The following FBXO28 variants were observed in gnomAD, a reference collection of about 807,000 sequenced individuals.
FBXO28 encodes the protein F-box protein 28.
FBXO28 carries 8 observed loss-of-function variants against 38.1 expected under a neutral mutation model. The ratio of observed to expected loss-of-function variants is 0.21; its 90% CI spans 0.12 to 0.38. The LOEUF (loss-of-function observed/expected upper bound fraction) is 0.38. Among genes scored for constraint, FBXO28 ranks in the 10% least tolerant of loss-of-function variants. The probability of loss-of-function intolerance (pLI) is 1.00; values close to 1 mark genes in which losing one functional copy is unlikely to be tolerated. For missense variants in FBXO28, 345 were observed against 460.6 expected, an observed-to-expected ratio of 0.75 and a Z score of 2.30; for synonymous variants, 168 against 173.8, an observed-to-expected ratio of 0.97 and a Z score of 0.26.
At position 224,158,966 on chromosome 1, in the gene FBXO28, C is replaced by G. The variant is rs1333114609; in HGVS notation, c.*1220C>G. Reference sequence around the variant, plus strand: ...ATTTTGTTTGCACTCCTATTTTGAGCTTGTAACTGGAAAAGCATGTCTTGC... The same window carrying G: ...ATTTTGTTTGCACTCCTATTTTGAGGTTGTAACTGGAAAAGCATGTCTTGC... On this transcript the variant is annotated 3_prime_UTR_variant, in exon 5 of 5. Coordinates refer to ENST00000366862, the MANE Select transcript of FBXO28 (RefSeq NM_015176.4). 6.6e-6 allele frequency: 1 copy of G among 152,572 alleles called. No homozygotes were observed. Among genetic ancestry groups the G allele is most frequent in the Non-Finnish European group, 1.5e-5 (1 of 68,032 alleles). The allele number at this position is 152,572 out of a possible 1,614,324, so 9.5% of individuals were successfully genotyped here.
intron 2 of FBXO28, among the ~76,000 whole-genome samples, chr1:224,133,461 T>C (rs1414064022): frequency 6.6e-6 from 1 of 152,178 alleles, no homozygotes; most frequent in Non-Finnish European, 1.5e-5. Flanking sequence ...AATCCATTCA[T>C]TTATCTAATT....
intron 1 of FBXO28, among the ~76,000 whole-genome samples, chr1:224,116,388 G>A (rs899091892): frequency 6.6e-6 from 1 of 152,102 alleles, no homozygotes; most frequent in African/African-American, 2.4e-5. Context: ...TAGGTGAGCT[G>A]TACATGCCTT....
chr1:224,146,541 T>C lies in FBXO28; in HGVS notation c.517-6601T>C, dbSNP rs567711585. Reference sequence around the variant, plus strand: ...ATTTTAGACATAAGCGTGGTACTTCTACTGTGTGTTAGAAATGTGATGGTG... The same window carrying C: ...ATTTTAGACATAAGCGTGGTACTTCCACTGTGTGTTAGAAATGTGATGGTG... On this transcript the variant is annotated intron_variant, in intron 3 of 4. Transcript: ENST00000366862. Among the ~76,000 whole-genome samples the C allele has an allele frequency of 1.4e-4, 21 of 152,278 alleles. No homozygotes were observed. The South Asian group carries it at 4.1e-3, about 30-fold the overall frequency.
At chr1:224,124,713 A>G (rs139193418) in intron 1 of FBXO28, among the ~76,000 whole-genome samples, 23 of 152,176 alleles carry the variant, frequency 1.5e-4, no homozygotes, top group Admixed American at 1.4e-3. Context: ...CAAAAGTTAT[A>G]TGGTCTCTTT....
At chr1:224,145,990 C>T (rs1308480006) in intron 3 of FBXO28, among the ~76,000 whole-genome samples, 4 of 149,802 alleles carry the variant, frequency 2.7e-5, no homozygotes, top group East Asian at 2.0e-4. Flanking sequence ...TGCTTGTATC[C>T]GGGAGGTGGA....
intron 1 of FBXO28, among the ~76,000 whole-genome samples, chr1:224,126,264 T>A (rs1572008855): frequency 6.6e-6 from 1 of 152,200 alleles, no homozygotes; most frequent in African/African-American, 2.4e-5. Context: ...TTGAAAGATA[T>A]CTAAACCCTA....
chr1:224,126,711 G>A (rs945400318), intron 1 of FBXO28, among the ~76,000 whole-genome samples: 1 of 152,200 alleles, frequency 6.6e-6, no homozygotes, highest in African/African-American at 2.4e-5. Context: ...TTGGGAGGCT[G>A]AGGCAGGAGA....
intron 1 of FBXO28, 110 bp downstream of exon 1, chr1:224,114,506 A>G: frequency 1.0e-5 from 10 of 978,100 alleles, no homozygotes; most frequent in South Asian, 1.7e-5. Context: ...CCAGCCGGCT[A>G]CAGATCTGGG....
intron 1 of FBXO28, among the ~76,000 whole-genome samples, chr1:224,125,323 G>A (rs1458582828): frequency 1.3e-5 from 2 of 151,992 alleles, no homozygotes; most frequent in Non-Finnish European, 2.9e-5. Context: ...CTTGTGTAGT[G>A]TCATTCTAAT....
intron 1 of FBXO28, 37 bp downstream of exon 1, chr1:224,114,433 C>T (rs553701368): frequency 7.0e-7 from 1 of 1,434,984 alleles, no homozygotes; most frequent in Non-Finnish European, 9.2e-7. Flanking sequence ...CCCTCTCCCC[C>T]CGGCCGAGGT....
At chr1:224,156,261 ATTCC>A (rs1449691282) in intron 4 of FBXO28, among the ~76,000 whole-genome samples, 5 of 152,202 alleles carry the variant, frequency 3.3e-5, no homozygotes, top group Non-Finnish European at 2.9e-5. Context: ...CATTCTAATT[ATTCC>A]TAAAAGAATA....
Position 224,157,419 on chromosome 1 carries a change from G to C in FBXO28, c.780G>C (p.Glu260Asp), listed in dbSNP as rs745691947. The C allele has an allele frequency of 6.2e-7, 1 of 1,614,166 alleles. No homozygotes were observed. The highest frequency in any genetic ancestry group is 8.5e-7 in the Non-Finnish European group (1 of 1,180,030). Residue 260 changes from glutamate to aspartate, a missense_variant, in exon 5 of 5, where the codon GAG becomes GAC. This residue lies in a region of FBXO28 where 151 missense variants were observed against 188.3 expected (regional missense o/e 0.80). Transcript: ENST00000366862. Reference sequence around the variant, plus strand: ...CCAAGCAAAATCCTTCAAGACAAGAGGTTACCAAACTCCAGCAGCAGGTTA... The same window carrying C: ...CCAAGCAAAATCCTTCAAGACAAGACGTTACCAAACTCCAGCAGCAGGTTA... ...LFSKQNPSRQ[E>D]VTKLQQQVKT... is the part of the protein sequence containing the mutation.
rs1317287628 is a variant in FBXO28, at chr1:224,161,334, ACT to A, written c.*3593_*3594del. On this transcript the variant is annotated 3_prime_UTR_variant, in exon 5 of 5. Coordinates refer to ENST00000366862, the MANE Select transcript of FBXO28 (RefSeq NM_015176.4). ...AGTACCCATTTGTTACACTTACCAA[ACT>A]CTCTAAAAACATATACTGTGAGTAA... is the stretch of plus-strand genomic sequence containing the variant. 3 of 152,254 alleles carry A rather than the reference ACT, an allele frequency of 2.0e-5. No individual in the cohort carries two copies. The highest frequency in any genetic ancestry group is 1.9e-4 in the East Asian group (1 of 5,190). 9.4% of individuals were successfully genotyped at this position (152,254 alleles called of 1,614,324 possible). A position where few individuals can be genotyped will look rare whatever the true frequency, so the allele number is the denominator to read the frequency against.
chr1:224,117,223 G>C (rs1050680433), intron 1 of FBXO28, among the ~76,000 whole-genome samples: 1 of 136,242 alleles, frequency 7.3e-6, no homozygotes, highest in African/African-American at 2.9e-5. Context: ...CTGGAGTGCA[G>C]TGGTGCCATC....
intron 3 of FBXO28, among the ~76,000 whole-genome samples, chr1:224,143,302 A>AAT (rs1266546882): frequency 6.6e-6 from 1 of 151,922 alleles, no homozygotes; most frequent in Admixed American, 6.6e-5. Flanking sequence ...CATTCTCCAT[A>AAT]TATCTGCATG....
rs535383199 is a variant in FBXO28, at chr1:224,114,158, C to T, written c.29C>T (p.Ala10Val). 1.1e-5 allele frequency: 17 copies of T among 1,545,840 alleles called. No homozygotes were observed. The South Asian group carries it at 1.3e-4, about 12-fold the overall frequency. Reference protein sequence around the residue: MAAAAEERMAEEGGGGQGDG... With the variant: MAAAAEERMVEEGGGGQGDG... ...GCGGCAGCGGCGGAGGAGCGGATGG[C>T]AGAGGAAGGAGGCGGCGGCCAAGGC... The change falls in exon 1 of 5, where the codon GCA (alanine) becomes GTA (valine). Residue 10 changes from alanine (A) to valine (V), a missense_variant. Physicochemically the swap from Ala to Val is moderately conservative, Grantham distance 64 (BLOSUM62 0). Transcript: ENST00000366862.
In FBXO28 at chr1:224,160,644, T is replaced by C. The variant is rs1479482044; in HGVS notation, c.*2898T>C. The C allele has an allele frequency of 1.3e-5, 2 of 151,724 alleles. No individual in the cohort carries two copies. The highest frequency in any genetic ancestry group is 2.9e-5 in the Non-Finnish European group (2 of 67,972). The allele number at this position is 151,724 out of a possible 1,614,324, so 9.4% of individuals were successfully genotyped here. Reference sequence around the variant, plus strand: ...GGAAATAATGGAGCAAACGCAAATGTATTGAGAGTCATTATACTTTAAAAT... The same window carrying C: ...GGAAATAATGGAGCAAACGCAAATGCATTGAGAGTCATTATACTTTAAAAT... On this transcript the variant is annotated 3_prime_UTR_variant, in exon 5 of 5. Coordinates refer to ENST00000366862, the MANE Select transcript of FBXO28 (RefSeq NM_015176.4).
intron 1 of FBXO28, among the ~76,000 whole-genome samples, chr1:224,129,341 A>C (rs7542474): frequency 0.51 from 77,906 of 151,794 alleles, 20,997 homozygotes; most frequent in South Asian, 0.61. Context: ...ACTCCATCTC[A>C]AAAAGATATT....
chr1:224,130,431 T>C lies in FBXO28; in HGVS notation c.268-41T>C, dbSNP rs769359567. 9 of 1,299,804 alleles carry C rather than the reference T, an allele frequency of 6.9e-6. No homozygotes were observed. In the African/African-American group the frequency reaches 9.0e-5, roughly 13 times the overall value. 80.5% of individuals were successfully genotyped at this position (1,299,804 alleles called of 1,614,324 possible). A position where few individuals can be genotyped will look rare whatever the true frequency, so the allele number is the denominator to read the frequency against. On this transcript the variant is annotated intron_variant, in intron 1 of 4. Transcript: ENST00000366862. Reference sequence around the variant, plus strand: ...AGTTATGAGTCTCAGTTGTCTCTTATTAATTTGGTTATTGATTTTTGTTCT... The same window carrying C: ...AGTTATGAGTCTCAGTTGTCTCTTACTAATTTGGTTATTGATTTTTGTTCT...
Sources: allele counts gnomAD v4.1 joint callset (sites outside exome capture counted in the v4.1 genomes callset), GRCh38; gene constraint gnomAD v4.1.1; regional missense constraint gnomAD v4.1.1; transcripts MANE v1.5; gene names NCBI Gene and HGNC (gene_info 2026-07-23, HGNC 2026-07-21).